The following RPTOR variants were observed in gnomAD, a reference collection of about 807,000 sequenced individuals.
RPTOR encodes regulatory associated protein of MTOR complex 1.
In RPTOR, 21 loss-of-function variants were observed where a neutral mutation model predicts 169.9. The observed-to-expected ratio is 0.12, with a 90% CI of 0.09 to 0.18. RPTOR has a LOEUF of 0.18. Ranked by LOEUF, RPTOR falls within the 10% of genes least tolerant of loss-of-function variation. The probability of loss-of-function intolerance (pLI) is 1.00; values close to 1 mark genes in which losing one functional copy is unlikely to be tolerated. For synonymous variants in RPTOR, 732 were observed against 753.2 expected (o/e 0.97, Z 0.46); for missense variants, 1,133 against 1,855.9 (o/e 0.61, Z 7.16).
chr17:80,794,361 G>C (rs566924418), intron 7 of RPTOR, among the ~76,000 whole-genome samples: 1 of 152,324 alleles, frequency 6.6e-6, no homozygotes, highest in Admixed American at 6.5e-5. Flanking sequence ...TTAGCCATTA[G>C]GTAATGCAAA....
At chr17:80,762,235 T>G (rs187987337) in intron 6 of RPTOR, among the ~76,000 whole-genome samples, 18 of 152,350 alleles carry the variant, frequency 1.2e-4, no homozygotes, top group Admixed American at 1.0e-3. Context: ...GGGCACGGGC[T>G]GCTGACTCCC....
At chr17:80,602,808 T>G in intron 1 of RPTOR, 1 of 683,288 alleles carries the variant, frequency 1.5e-6, no homozygotes, top group Non-Finnish European at 2.7e-6. Flanking sequence ...AGGGGCACGC[T>G]TCATGAAGCC....
intron 1 of RPTOR, among the ~76,000 whole-genome samples, chr17:80,561,345 G>A (rs188750407): frequency 2.0e-5 from 3 of 148,154 alleles, no homozygotes; most frequent in African/African-American, 4.9e-5. Context: ...TCCTGACCTC[G>A]TGATCCGTCA....
At chr17:80,687,675 T>TCATCGGCTTCAGAAGGGGAATGTC (rs1567858080) in intron 3 of RPTOR, among the ~76,000 whole-genome samples, 1 of 152,038 alleles carries the variant, frequency 6.6e-6, no homozygotes, top group African/African-American at 2.4e-5. Flanking sequence ...ACGGAATGGT[T>TCATCGGCTTCAGAAGGGGAATGTC]GTCATCGGCT....
At chr17:80,624,123 A>G (rs1166780960) in intron 1 of RPTOR, among the ~76,000 whole-genome samples, 1 of 152,178 alleles carries the variant, frequency 6.6e-6, no homozygotes, top group Non-Finnish European at 1.5e-5. Flanking sequence ...CGTACTGTCA[A>G]TTAAATTAAT....
rs1228163582 is a variant in RPTOR, at chr17:80,754,159, C to T, written c.804C>T (p.Thr268=). 1 of 1,610,152 alleles carries T rather than the reference C, an allele frequency of 6.2e-7. No individual in the cohort carries two copies. Among genetic ancestry groups the T allele is most frequent in the Admixed American group, 1.7e-5 (1 of 59,870 alleles). ...CTGACCTATTCACCTCCTGCCTCAC[C>T]ACCCCCATCAAGATCGCCCTGCGCT... ...LPADLFTSCL[T]TPIKIALRWF... is the part of the protein sequence containing the mutation. The change falls in exon 6 of 34, where the codon ACC becomes ACT. Residue 268 remains threonine (T), a synonymous_variant. Coordinates refer to ENST00000306801, the MANE Select transcript of RPTOR (RefSeq NM_020761.3). The surrounding 1 kb of genome is among the most constrained non-coding windows in gnomAD (Gnocchi z 4.2).
In RPTOR at chr17:80,564,101, C is replaced by T. The variant is rs1198480052; in HGVS notation, c.162+18310C>T. Among the ~76,000 whole-genome samples, 13 of 150,572 alleles carry T rather than the reference C, an allele frequency of 8.6e-5. No homozygotes were observed. In the South Asian group the frequency reaches 2.5e-3, roughly 29 times the overall value. On this transcript the variant is annotated intron_variant, in intron 1 of 33. Coordinates refer to ENST00000306801, the MANE Select transcript of RPTOR (RefSeq NM_020761.3). Reference sequence around the variant, plus strand: ...TTTTGGAGACGGAGTCTCGCTCTGTCGCCCAGGCTGGAGTGCAGTGGTGTG... The same window carrying T: ...TTTTGGAGACGGAGTCTCGCTCTGTTGCCCAGGCTGGAGTGCAGTGGTGTG...
chr17:80,803,381 C>T lies in RPTOR; in HGVS notation c.890+11872C>T, dbSNP rs1466720862. The T allele has an allele frequency of 2.6e-5, 4 of 152,722 alleles. No individual in the cohort carries two copies. Among genetic ancestry groups the T allele is most frequent in the East Asian group, 1.9e-4 (1 of 5,198 alleles). The allele number at this position is 152,722 out of a possible 1,614,324, so 9.5% of individuals were successfully genotyped here. A position where few individuals can be genotyped will look rare whatever the true frequency, so the allele number is the denominator to read the frequency against. Reference sequence around the variant, plus strand: ...GGCGGAGCCTGTGTCCGCCCCCACCCGTCCTGCTGTGTCTGCCCCCAGCCG... The same window carrying T: ...GGCGGAGCCTGTGTCCGCCCCCACCTGTCCTGCTGTGTCTGCCCCCAGCCG... On this transcript the variant is annotated intron_variant, in intron 7 of 33. Coordinates refer to ENST00000306801, the MANE Select transcript of RPTOR (RefSeq NM_020761.3). The surrounding 1 kb of genome is among the most constrained non-coding windows in gnomAD (Gnocchi z 6.2).
intron 5 of RPTOR, among the ~76,000 whole-genome samples, chr17:80,732,384 G>A (rs549201859): frequency 1.1e-4 from 17 of 152,178 alleles, no homozygotes; most frequent in African/African-American, 3.9e-4. Flanking sequence ...GCATTCCAGC[G>A]CTTTGAGCAT....
intron 6 of RPTOR, among the ~76,000 whole-genome samples, chr17:80,756,771 C>T (rs757415152): frequency 1.6e-4 from 25 of 152,118 alleles, no homozygotes; most frequent in Non-Finnish European, 2.9e-4. Context: ...TTGATCATTA[C>T]GCATTGTATG....
At position 80,947,462 on chromosome 17, in the gene RPTOR, C is replaced by A. The variant is rs892401821; in HGVS notation, c.3265+111C>A. ...CATCTGTCTTACAGAAAGCCCTGCT[C>A]ACACGCGAGGGCCACTGTCATTCAG... On this transcript the variant is annotated intron_variant, in intron 27 of 33. Transcript: ENST00000306801. The surrounding 1 kb of genome is among the most constrained non-coding windows in gnomAD (Gnocchi z 4.4). 2.6e-5 allele frequency: 35 copies of A among 1,337,604 alleles called. No individual in the cohort carries two copies. Among genetic ancestry groups the A allele is most frequent in the Non-Finnish European group, 3.4e-5 (35 of 1,028,718 alleles). The allele number at this position is 1,337,604 out of a possible 1,614,324, so 82.9% of individuals were successfully genotyped here.
intron 1 of RPTOR, among the ~76,000 whole-genome samples, chr17:80,578,250 G>A (rs906559086): frequency 4.6e-5 from 7 of 152,160 alleles, no homozygotes; most frequent in African/African-American, 1.4e-4. Flanking sequence ...GATGTCAACA[G>A]TCATTGCGAT....
intron 20 of RPTOR, among the ~76,000 whole-genome samples, chr17:80,904,166 G>C (rs1346829093): frequency 6.6e-6 from 1 of 152,208 alleles, no homozygotes; most frequent in Non-Finnish European, 1.5e-5. Flanking sequence ...GGAGCGGCTG[G>C]TCAGCGTGAT....
At chr17:80,628,979 C>CT (rs2065417657) in intron 2 of RPTOR, among the ~76,000 whole-genome samples, 1 of 151,806 alleles carries the variant, frequency 6.6e-6, no homozygotes, top group South Asian at 2.1e-4. Flanking sequence ...ACTCAGCTGT[C>CT]TATGTATTCT....
intron 3 of RPTOR, among the ~76,000 whole-genome samples, chr17:80,665,781 G>A (rs947146217): frequency 4.6e-5 from 7 of 152,016 alleles, no homozygotes; most frequent in Non-Finnish European, 1.0e-4. Context: ...TCCTGACCTC[G>A]TGATCCGCCC....
chr17:80,791,548 T>G (rs2067049107), intron 7 of RPTOR, 39 bp downstream of exon 7: 2 of 1,576,114 alleles, frequency 1.3e-6, no homozygotes, highest in Admixed American at 3.6e-5. Context: ...TCTCTGGATC[T>G]GATGAGTTTC....
At chr17:80,862,936 A>G (rs1414566805) in intron 13 of RPTOR, among the ~76,000 whole-genome samples, 1 of 152,184 alleles carries the variant, frequency 6.6e-6, no homozygotes, top group Non-Finnish European at 1.5e-5. Flanking sequence ...CTCAGGACAC[A>G]CTTAAGAGTT....
chr17:80,961,191 G>A (rs919974668), intron 30 of RPTOR, among the ~76,000 whole-genome samples: 7 of 152,230 alleles, frequency 4.6e-5, no homozygotes, highest in Non-Finnish European at 1.0e-4. Context: ...AGCCTGGGGA[G>A]GACACAGGGG....
At position 80,965,204 on chromosome 17, in the gene RPTOR, G is replaced by C. The variant is rs1374884434; in HGVS notation, c.*874G>C. On this transcript the variant is annotated 3_prime_UTR_variant, in exon 34 of 34. Coordinates refer to ENST00000306801, the MANE Select transcript of RPTOR (RefSeq NM_020761.3). ...CCCGACCTGTGGTCTCCATGCCTGTGCCCTCACACAGGTGTAGCACACGCA... is the reference window on the plus strand; with the variant it reads ...CCCGACCTGTGGTCTCCATGCCTGTCCCCTCACACAGGTGTAGCACACGCA... 1.7e-5 allele frequency: 4 copies of C among 233,236 alleles called. No individual in the cohort carries two copies. The highest frequency in any genetic ancestry group is 3.4e-5 in the Non-Finnish European group (4 of 118,074). 14.4% of individuals were successfully genotyped at this position (233,236 alleles called of 1,614,324 possible).
Sources: allele counts gnomAD v4.1 joint callset (sites outside exome capture counted in the v4.1 genomes callset), GRCh38; gene constraint gnomAD v4.1.1; non-coding constraint Gnocchi (gnomAD v3.1); transcripts MANE v1.5; gene names NCBI Gene and HGNC (gene_info 2026-07-23, HGNC 2026-07-21).